EFCAB5: variants seen among roughly 807,000 people sequenced by gnomAD.
EFCAB5 encodes EF-hand calcium binding domain 5.
Under a neutral mutation model 167.9 loss-of-function variants are expected in EFCAB5, and 131 were observed. That is an observed-to-expected ratio of 0.78 (90% CI 0.68 to 0.90). The LOEUF is 0.90. Ranked by LOEUF, EFCAB5 falls within the 40% of genes least tolerant of loss-of-function variation. The probability of loss-of-function intolerance (pLI) is 0.00; values close to 1 mark genes in which losing one functional copy is unlikely to be tolerated. For missense variants in EFCAB5, 1,663 were observed against 1,745.2 expected (o/e 0.95, Z 0.84); for synonymous variants, 574 against 602.8 (o/e 0.95, Z 0.70).
intron 22 of EFCAB5, among the ~76,000 whole-genome samples, chr17:30,104,473 T>C (rs1046078368): frequency 1.2e-4 from 19 of 152,056 alleles, no homozygotes; most frequent in Admixed American, 7.9e-4. Context: ...TGTCCATAGA[T>C]AGACTCAAAG....
chr17:30,055,399 TAGTA>T (rs960020230), intron 10 of EFCAB5, among the ~76,000 whole-genome samples: 2 of 151,124 alleles, frequency 1.3e-5, no homozygotes, highest in Non-Finnish European at 2.9e-5. Context: ...GTTCTCAACT[TAGTA>T]AGGAAAGAAA....
rs1398503977 is a variant in EFCAB5, at chr17:30,078,337, C to T, written c.2860C>T (p.Leu954=). The change falls in exon 15 of 23, where the codon CTG becomes TTG. Residue 954 remains leucine, a synonymous_variant. Transcript: ENST00000394835. ...SELRGNEDQV[L]ESVVEFLMNA... The stretch of plus-strand genomic sequence containing the variant: ...ACTCAGGGGCAATGAAGACCAAGTT[C>T]TGGAAAGTGTTGTGGAATTTCTGAT... The T allele has an allele frequency of 2.5e-6, 4 of 1,613,866 alleles. No individual in the cohort carries two copies. Among genetic ancestry groups the T allele is most frequent in the African/African-American group, 2.7e-5 (2 of 74,906 alleles).
At chr17:30,004,646 A>G (rs1198398637) in intron 7 of EFCAB5, among the ~76,000 whole-genome samples, 1 of 133,964 alleles carries the variant, frequency 7.5e-6, no homozygotes, top group African/African-American at 2.9e-5. Context: ...TTTGAGATGG[A>G]GTCTTGCTCT....
intron 8 of EFCAB5, among the ~76,000 whole-genome samples, chr17:30,048,095 A>G (rs1474483075): frequency 6.6e-6 from 1 of 152,214 alleles, no homozygotes; most frequent in African/African-American, 2.4e-5. Context: ...ACCACTGGGT[A>G]AAGTTAGGAT....
intron 5 of EFCAB5, 52 bp from the exon 6 acceptor site, chr17:29,996,260 A>ATCACATATTATCAATTTATCAGAT: frequency 7.1e-7 from 1 of 1,405,242 alleles, no homozygotes; most frequent in South Asian, 1.3e-5. Context: ...AATATGTGGT[A>ATCACATATTATCAATTTATCAGAT]ACTGAGGAGT....
chr17:30,104,261 G>A (rs1046488034), intron 22 of EFCAB5, among the ~76,000 whole-genome samples: 1 of 152,034 alleles, frequency 6.6e-6, no homozygotes, highest in Non-Finnish European at 1.5e-5. Flanking sequence ...CTTTCTTTTT[G>A]CTTTGCCCAT....
At chr17:30,095,359 T>C (rs1567776130) in intron 22 of EFCAB5, among the ~76,000 whole-genome samples, 1 of 152,172 alleles carries the variant, frequency 6.6e-6, no homozygotes, top group African/African-American at 2.4e-5. Flanking sequence ...AGAGGCTCAG[T>C]GCTGTCACCA....
chr17:30,009,512 T>C (rs1248988484), intron 7 of EFCAB5, among the ~76,000 whole-genome samples: 10 of 152,224 alleles, frequency 6.6e-5, no homozygotes, highest in African/African-American at 2.4e-5. Flanking sequence ...TTTGGCTTCT[T>C]GTACTTGTCA....
chr17:29,957,460 T>C (rs778908791), intron 3 of EFCAB5, among the ~76,000 whole-genome samples: 2 of 152,158 alleles, frequency 1.3e-5, no homozygotes, highest in Non-Finnish European at 1.5e-5. Context: ...ATTAGCTGTT[T>C]ATCCTGATGC....
chr17:30,060,788 T>C (rs990023910), intron 14 of EFCAB5, among the ~76,000 whole-genome samples: 1 of 152,224 alleles, frequency 6.6e-6, no homozygotes, highest in African/African-American at 2.4e-5. Context: ...TTTTCACTTA[T>C]CAAATGGGCA....
chr17:30,025,153 C>A (rs2069283714), intron 7 of EFCAB5, among the ~76,000 whole-genome samples: 1 of 152,134 alleles, frequency 6.6e-6, no homozygotes, highest in East Asian at 1.9e-4. Context: ...GCAACAAAAG[C>A]CAAAATTGAC....
At position 29,956,826 on chromosome 17, in the gene EFCAB5, G is replaced by A. The variant is rs185745283; in HGVS notation, c.191-11965G>A. On this transcript the variant is annotated intron_variant, in intron 3 of 22. Transcript: ENST00000394835. The stretch of plus-strand genomic sequence containing the variant: ...CGGGAGTGATTGAAAGAAGGAAAGC[G>A]GGGAGGGAGGGAGAGAGAGAAAGAA... Among the ~76,000 whole-genome samples the A allele has an allele frequency of 6.6e-5, 10 of 152,224 alleles. No individual in the cohort carries two copies. In the East Asian group the frequency reaches 9.6e-4, roughly 15 times the overall value.
chr17:29,941,903 A>G (rs1251967413), intron 1 of EFCAB5, 65 bp downstream of exon 1: 15 of 1,426,732 alleles, frequency 1.1e-5, no homozygotes, highest in Non-Finnish European at 1.4e-5. Context: ...TCTTGGGAAA[A>G]TTGAGATGCA....
In EFCAB5 at chr17:30,091,844, A is replaced by G. The variant is rs749706417; in HGVS notation, c.3938-27A>G. On this transcript the variant is annotated intron_variant, in intron 20 of 22. Transcript: ENST00000394835. Reference sequence around the variant, plus strand: ...GCAATGTACATTAGACTGAACAGCAATGTGAGCTATCATTTTGTTATTCCA... The same window carrying G: ...GCAATGTACATTAGACTGAACAGCAGTGTGAGCTATCATTTTGTTATTCCA... 21 of 1,609,298 alleles carry G rather than the reference A, an allele frequency of 1.3e-5. No homozygotes were observed. The Admixed American group carries it at 2.2e-4, about 17-fold the overall frequency.
intron 8 of EFCAB5, among the ~76,000 whole-genome samples, chr17:30,038,967 G>A (rs1410194836): frequency 1.3e-5 from 2 of 152,118 alleles, no homozygotes; most frequent in African/African-American, 4.8e-5. Context: ...CCCACCTGGT[G>A]TGACGAATAA....
chr17:29,974,260 A>G (rs1221014283), intron 4 of EFCAB5, among the ~76,000 whole-genome samples: 1 of 152,006 alleles, frequency 6.6e-6, no homozygotes, highest in Non-Finnish European at 1.5e-5. Context: ...TGTCCTTAGA[A>G]TATATCCTTG....
intron 14 of EFCAB5, among the ~76,000 whole-genome samples, chr17:30,063,243 C>T (rs983295871): frequency 1.3e-5 from 2 of 152,122 alleles, no homozygotes; most frequent in Non-Finnish European, 2.9e-5. Flanking sequence ...AACAGCTGTG[C>T]TCTGCCTTTC....
At position 29,969,114 on chromosome 17, in the gene EFCAB5, G is replaced by C. The variant is rs777817273; in HGVS notation, c.514G>C (p.Ala172Pro). The part of the protein sequence containing the change: ...NTDSMTLNNT[A>P]YLLDKLLPTL... Reference sequence around the variant, plus strand: ...TGACAGCATGACACTGAATAATACTGCATATTTGCTTGACAAACTTCTACC... The same window carrying C: ...TGACAGCATGACACTGAATAATACTCCATATTTGCTTGACAAACTTCTACC... Residue 172 changes from alanine to proline, a missense_variant, in exon 4 of 23, where the codon GCA becomes CCA. By Grantham distance (27) the Ala-to-Pro change is conservative (BLOSUM62 -1). Transcript: ENST00000394835. 6.2e-7 allele frequency: 1 copy of C among 1,613,752 alleles called. No individual in the cohort carries two copies. The highest frequency in any genetic ancestry group is 8.5e-7 in the Non-Finnish European group (1 of 1,179,790).
intron 4 of EFCAB5, among the ~76,000 whole-genome samples, chr17:29,970,930 C>T (rs562410842): frequency 6.6e-6 from 1 of 151,954 alleles, no homozygotes; most frequent in Non-Finnish European, 1.5e-5. Flanking sequence ...CAAAAATTAG[C>T]CCAGCGTGGT....
Sources: gnomAD v4.1 joint callset for allele counts (sites outside exome capture counted in the v4.1 genomes callset) on GRCh38, gnomAD v4.1.1 for gene constraint, MANE v1.5 for transcripts, NCBI Gene and HGNC (gene_info 2026-07-23, HGNC 2026-07-21) for gene names.